Variants in MCF2L2 observed in about 807,000 individuals in gnomAD.
MCF2L2 encodes the protein probable guanine nucleotide exchange factor MCF2L2.
Under a neutral mutation model 150.2 loss-of-function variants are expected in MCF2L2, and 102 were observed. The ratio of observed to expected loss-of-function variants is 0.68; its 90% confidence interval spans 0.58 to 0.80. MCF2L2 has a LOEUF of 0.80. MCF2L2 is among the 30% of genes least tolerant of loss of function. MCF2L2 has a pLI of 0.00. For missense variants in MCF2L2, 1,256 were observed against 1,372.8 expected, an observed-to-expected ratio of 0.91 and a Z score of 1.34; for synonymous variants, 465 against 491.3, an observed-to-expected ratio of 0.95 and a Z score of 0.71.
intron 3 of MCF2L2, among the ~76,000 whole-genome samples, chr3:183,362,735 CT>C (rs970250558): frequency 1.3e-5 from 2 of 152,000 alleles, no homozygotes; most frequent in Non-Finnish European, 2.9e-5. Context: ...AACTAGAAAT[CT>C]TGTAAACCAC....
At chr3:183,399,048 C>CAT (rs1714609729) in intron 1 of MCF2L2, among the ~76,000 whole-genome samples, 1 of 152,076 alleles carries the variant, frequency 6.6e-6, no homozygotes, top group South Asian at 2.1e-4. Flanking sequence ...TTAGGGCAAT[C>CAT]ATATATATAC....
intron 15 of MCF2L2, among the ~76,000 whole-genome samples, chr3:183,231,919 G>A (rs1015937559): frequency 5.9e-5 from 9 of 152,148 alleles, no homozygotes; most frequent in Non-Finnish European, 8.8e-5. Context: ...AAGATGTGGT[G>A]GACAGAATTT....
intron 3 of MCF2L2, among the ~76,000 whole-genome samples, chr3:183,350,360 C>G (rs892968693): frequency 6.6e-6 from 1 of 151,800 alleles, no homozygotes; most frequent in Non-Finnish European, 1.5e-5. Flanking sequence ...GTCAACTAAA[C>G]CAAATGCACA....
chr3:183,213,266 T>G (rs1477832533), intron 22 of MCF2L2, among the ~76,000 whole-genome samples: 2 of 149,952 alleles, frequency 1.3e-5, no homozygotes, highest in African/African-American at 2.5e-5. Flanking sequence ...AAAAAACTTT[T>G]GTTTTTTTTT....
chr3:183,213,868 C>G (rs1281871528), intron 22 of MCF2L2, among the ~76,000 whole-genome samples: 1 of 152,118 alleles, frequency 6.6e-6, no homozygotes, highest in Non-Finnish European at 1.5e-5. Context: ...GAGAAATTAG[C>G]TGATGTATTA....
chr3:183,189,867 T>C (rs1398289189), intron 27 of MCF2L2, among the ~76,000 whole-genome samples: 2 of 152,166 alleles, frequency 1.3e-5, no homozygotes, highest in Non-Finnish European at 2.9e-5. Flanking sequence ...GGGTCCCTTA[T>C]CTTCCCTCTC....
rs2108638809 is a variant in MCF2L2 at position 183,197,686 on chromosome 3, A to C, written c.2885-2431T>G. On this transcript the variant is annotated intron_variant, in intron 25 of 29. Transcript: ENST00000328913. The surrounding 1 kb of genome is among the most constrained non-coding windows in gnomAD (Gnocchi z 4.5). The stretch of plus-strand genomic sequence containing the variant: ...AGAAAAAGATGCCACACACTAGAAG[A>C]AAATATTTACAAAGCATTAAAAGGA... 6.6e-6 allele frequency among the ~76,000 whole-genome samples: 1 copy of C among 152,340 alleles called. No homozygotes were observed. The highest frequency in any genetic ancestry group is 1.9e-4 in the East Asian group (1 of 5,196).
chr3:183,226,201 T>C (rs1723335573), intron 18 of MCF2L2: 1 of 152,222 alleles, frequency 6.6e-6, no homozygotes, highest in Admixed American at 6.5e-5. Flanking sequence ...ATTCATTATC[T>C]TGGAAGGCCG....
chr3:183,414,575 T>TA (rs554397402), intron 1 of MCF2L2, among the ~76,000 whole-genome samples: 62 of 152,222 alleles, frequency 4.1e-4, no homozygotes, highest in Non-Finnish European at 7.9e-4. Context: ...CCTCTAATCT[T>TA]CACTATTTTC....
chr3:183,398,093 G>A (rs1425886095), intron 1 of MCF2L2, among the ~76,000 whole-genome samples: 2 of 152,118 alleles, frequency 1.3e-5, no homozygotes, highest in Admixed American at 1.3e-4. Context: ...AGCAGAGATG[G>A]CTAACTGCCC....
intron 3 of MCF2L2, among the ~76,000 whole-genome samples, chr3:183,348,403 T>C (rs990015664): frequency 1.3e-4 from 3 of 23,162 alleles, no homozygotes; most frequent in Admixed American, 5.1e-4. Context: ...GACCTGTCAG[T>C]GGGTCGGGGG....
chr3:183,320,145 T>A (rs1211103522), intron 6 of MCF2L2, among the ~76,000 whole-genome samples: 1 of 150,214 alleles, frequency 6.7e-6, no homozygotes, highest in Non-Finnish European at 1.5e-5. Context: ...CAGGCTGGAG[T>A]GCAGTGGCGC....
At chr3:183,289,300 C>G (rs1727983813) in intron 13 of MCF2L2, 80 bp from the exon 14 acceptor site, 1 of 919,252 alleles carries the variant, frequency 1.1e-6, no homozygotes, top group African/African-American at 1.6e-5. Flanking sequence ...GGACAAATAG[C>G]TGGACCACGT....
intron 1 of MCF2L2, among the ~76,000 whole-genome samples, chr3:183,401,952 T>C (rs954945235): frequency 1.9e-4 from 29 of 152,190 alleles, no homozygotes; most frequent in Non-Finnish European, 3.4e-4. Context: ...CTAGAAATGG[T>C]ATTGATGAGT....
chr3:183,213,485 C>T (rs1722809950), intron 22 of MCF2L2, among the ~76,000 whole-genome samples: 2 of 151,712 alleles, frequency 1.3e-5, no homozygotes, highest in Admixed American at 6.6e-5. Flanking sequence ...AATTTCTTTC[C>T]TTTATAAAAC....
chr3:183,205,382 A>G (rs1722436497), intron 25 of MCF2L2, among the ~76,000 whole-genome samples: 1 of 152,210 alleles, frequency 6.6e-6, no homozygotes, highest in African/African-American at 2.4e-5. Flanking sequence ...CCATCTCAAA[A>G]CAAAACAAAA....
rs979526568 is a variant in MCF2L2 at position 183,428,352 on chromosome 3, G to T, written c.-375C>A. On this transcript the variant is annotated 5_prime_UTR_variant, in exon 1 of 30. Coordinates refer to ENST00000328913, the MANE Select transcript of MCF2L2 (RefSeq NM_015078.4). The surrounding 1 kb of genome is among the most constrained non-coding windows in gnomAD (Gnocchi z 5.1). ...CCAGGTTTCCGGCGCCGCCTCCAGG[G>T]ACTGTAGAGTGAGGGATGCTCCGCC... 3.9e-6 allele frequency: 1 copy of T among 257,534 alleles called. No homozygotes were observed. The highest frequency in any genetic ancestry group is 7.4e-6 in the Non-Finnish European group (1 of 135,040). The allele number at this position is 257,534 out of a possible 1,614,324, so 16.0% of individuals were successfully genotyped here. A position where few individuals can be genotyped will look rare whatever the true frequency, so the allele number is the denominator to read the frequency against.
Position 183,180,159 on chromosome 3 carries a change from C to G in MCF2L2, c.3017G>C (p.Gly1006Ala). 6.2e-7 allele frequency: 1 copy of G among 1,609,372 alleles called. No individual in the cohort carries two copies. Among genetic ancestry groups the G allele is most frequent in the Non-Finnish European group, 8.5e-7 (1 of 1,176,120 alleles). The change falls in exon 28 of 30, where the codon GGC becomes GCC. Residue 1006 changes from glycine (G) to alanine (A), a missense_variant and splice_region_variant. Physicochemically the swap from Gly to Ala is moderately conservative, Grantham distance 60. Coordinates refer to ENST00000328913, the MANE Select transcript of MCF2L2 (RefSeq NM_015078.4). ...DPASSTGGIKGCSSREFSSMD... is the reference protein window; with the variant it reads ...DPASSTGGIKACSSREFSSMD... ...GGAGCTAAACTCCCTGCTGGAGCAG[C>G]CTTAGGGAGAGAAAGGGAAGGATGG...
At chr3:183,211,456 C>T (rs185587738) in intron 22 of MCF2L2, among the ~76,000 whole-genome samples, 8 of 152,230 alleles carry the variant, frequency 5.3e-5, no homozygotes, top group Non-Finnish European at 1.2e-4. Context: ...ACACATATGA[C>T]GGTATTGCCC....
Sources: gnomAD v4.1 joint callset for allele counts (sites outside exome capture counted in the v4.1 genomes callset) on GRCh38, gnomAD v4.1.1 for gene constraint, Gnocchi (gnomAD v3.1) non-coding constraint, MANE v1.5 for transcripts, NCBI Gene and HGNC (gene_info 2026-07-23, HGNC 2026-07-21) for gene names.